Variants in TMTC1 observed in about 807,000 individuals in gnomAD.
TMTC1 encodes the protein transmembrane O-mannosyltransferase targeting cadherins 1.
Under a neutral mutation model 104.8 loss-of-function variants are expected in TMTC1, and 73 were observed. The observed-to-expected ratio is 0.70, with a 90% CI of 0.58 to 0.85. The LOEUF (loss-of-function observed/expected upper bound fraction) is 0.85, where lower values mean the gene tolerates loss of function less well. Ranked by LOEUF, TMTC1 falls within the 40% of genes least tolerant of loss-of-function variation. The pLI is 0.00. For synonymous variants in TMTC1, 434 were observed against 428.7 expected (o/e 1.01, Z -0.15); for missense variants, 1,035 against 1,096.1 (o/e 0.94, Z 0.79).
In TMTC1 at chr12:29,502,508, A is replaced by C. The variant is rs981191301; in HGVS notation, c.*4338T>G. On this transcript the variant is annotated 3_prime_UTR_variant, in exon 18 of 18. Coordinates refer to ENST00000539277, the MANE Select transcript of TMTC1 (RefSeq NM_001193451.2). The stretch of plus-strand genomic sequence containing the variant: ...TATATACTGGCACTTAGTCTGGTAC[A>C]TGCAAATTTCAAGGCAATTCCTCTC... 1 of 152,166 alleles carries C rather than the reference A, an allele frequency of 6.6e-6. No individual in the cohort carries two copies. The highest frequency in any genetic ancestry group is 1.5e-5 in the Non-Finnish European group (1 of 68,026). The allele number at this position is 152,166 out of a possible 1,614,324, so 9.4% of individuals were successfully genotyped here. A position where few individuals can be genotyped will look rare whatever the true frequency, so the allele number is the denominator to read the frequency against.
intron 6 of TMTC1, among the ~76,000 whole-genome samples, chr12:29,616,318 C>A (rs186102271): frequency 6.6e-6 from 1 of 152,140 alleles, no homozygotes; most frequent in African/African-American, 2.4e-5. Context: ...AAAATCAACG[C>A]GCTCTCTGGC....
chr12:29,623,807 C>T (rs7976499), intron 6 of TMTC1, among the ~76,000 whole-genome samples: 71,449 of 151,030 alleles, frequency 0.47, 18,831 homozygotes, highest in African/African-American at 0.72. Flanking sequence ...AGCAAGACTC[C>T]GGCTCAAAAA....
rs964329284 is a variant in TMTC1, at chr12:29,501,416, G to T, written c.*5430C>A. On this transcript the variant is annotated 3_prime_UTR_variant, in exon 18 of 18. Coordinates refer to ENST00000539277, the MANE Select transcript of TMTC1 (RefSeq NM_001193451.2). Reference sequence around the variant, plus strand: ...TTGAGCTTAATGGAAACATCAAACCGACGAGTCCTTTCATGGGTGGTAAAC... The same window carrying T: ...TTGAGCTTAATGGAAACATCAAACCTACGAGTCCTTTCATGGGTGGTAAAC... 5 of 152,082 alleles carry T rather than the reference G, an allele frequency of 3.3e-5. No individual in the cohort carries two copies. Among genetic ancestry groups the T allele is most frequent in the Non-Finnish European group, 7.4e-5 (5 of 68,018 alleles). The allele number at this position is 152,082 out of a possible 1,614,324, so 9.4% of individuals were successfully genotyped here. A position where few individuals can be genotyped will look rare whatever the true frequency, so the allele number is the denominator to read the frequency against.
chr12:29,767,410 G>A (rs189238160), intron 2 of TMTC1, among the ~76,000 whole-genome samples: 66 of 152,234 alleles, frequency 4.3e-4, no homozygotes, highest in African/African-American at 8.4e-4. Flanking sequence ...ACAGTTCTGC[G>A]TAATAAACAT....
At chr12:29,661,570 T>TGCCACCATGCCCAGC (rs1940029346) in intron 5 of TMTC1, among the ~76,000 whole-genome samples, 7 of 52,032 alleles carry the variant, frequency 1.3e-4, no homozygotes, top group African/African-American at 4.3e-4. Context: ...TACAGGTACT[T>TGCCACCATGCCCAGC]TTTGTATTTT....
chr12:29,578,255 G>C (rs929918431), intron 8 of TMTC1, among the ~76,000 whole-genome samples: 27 of 151,974 alleles, frequency 1.8e-4, no homozygotes, highest in African/African-American at 5.8e-4. Flanking sequence ...TCCCATCGTT[G>C]GTTTTGACCT....
At chr12:29,581,603 TGAGTACTAA>T (rs1565685844) in intron 8 of TMTC1, among the ~76,000 whole-genome samples, 5 of 152,156 alleles carry the variant, frequency 3.3e-5, no homozygotes. Flanking sequence ...GTAAAGGGTT[TGAGTACTAA>T]GTCTGCCAAA....
chr12:29,748,654 A>G (rs1943015105), intron 5 of TMTC1, among the ~76,000 whole-genome samples: 1 of 152,200 alleles, frequency 6.6e-6, no homozygotes, highest in African/African-American at 2.4e-5. Flanking sequence ...GTTGGATAGA[A>G]TAACACATGG....
chr12:29,770,825 C>T (rs899533174), intron 1 of TMTC1, among the ~76,000 whole-genome samples: 3 of 152,074 alleles, frequency 2.0e-5, no homozygotes, highest in Admixed American at 6.6e-5. Context: ...GCGTATTCTA[C>T]GTGTGATCAC....
intron 7 of TMTC1, 31 bp downstream of exon 7, chr12:29,604,147 C>A: frequency 6.2e-7 from 1 of 1,611,270 alleles, no homozygotes; most frequent in South Asian, 1.1e-5. Flanking sequence ...GAGGGCAGGT[C>A]TTGTAGGAGG....
intron 1 of TMTC1, among the ~76,000 whole-genome samples, chr12:29,769,822 G>A (rs142920606): frequency 2.6e-5 from 4 of 152,050 alleles, no homozygotes; most frequent in Non-Finnish European, 4.4e-5. Context: ...TGCATTGGAG[G>A]CTTTAAAAGG....
At position 29,677,203 on chromosome 12, in the gene TMTC1, A is replaced by C. The variant is rs151075816; in HGVS notation, c.939-43867T>G. Reference sequence around the variant, plus strand: ...TGTAATGGGTTTCAGGATCAAGGTTATTACAAATAAAAATAAAATCAGATT... The same window carrying C: ...TGTAATGGGTTTCAGGATCAAGGTTCTTACAAATAAAAATAAAATCAGATT... On this transcript the variant is annotated intron_variant, in intron 5 of 17. Coordinates refer to ENST00000539277, the MANE Select transcript of TMTC1 (RefSeq NM_001193451.2). 7.6e-4 allele frequency among the ~76,000 whole-genome samples: 115 copies of C among 152,316 alleles called. No individual in the cohort carries two copies. The East Asian group carries it at 0.018, about 24-fold the overall frequency.
chr12:29,693,268 G>A (rs1319255276), intron 5 of TMTC1, among the ~76,000 whole-genome samples: 1 of 144,476 alleles, frequency 6.9e-6, no homozygotes, highest in Non-Finnish European at 1.5e-5. Context: ...ACATATTTAT[G>A]AGGTACAGAG....
intron 2 of TMTC1, among the ~76,000 whole-genome samples, chr12:29,761,303 G>A (rs1351839465): frequency 6.6e-6 from 1 of 151,598 alleles, no homozygotes; most frequent in Non-Finnish European, 1.5e-5. Flanking sequence ...GTATAAAGGA[G>A]TATGAATTGT....
chr12:29,621,791 G>A (rs1281527241), intron 6 of TMTC1, among the ~76,000 whole-genome samples: 3 of 152,180 alleles, frequency 2.0e-5, no homozygotes, highest in Admixed American at 6.5e-5. Context: ...AATCCAAAGT[G>A]AGGATGAGAA....
At chr12:29,643,527 AAATATAT>A (rs1565732830) in intron 5 of TMTC1, among the ~76,000 whole-genome samples, 2 of 53,078 alleles carry the variant, frequency 3.8e-5, no homozygotes, top group African/African-American at 7.7e-5. Flanking sequence ...ATATAATATA[AAATATAT>A]AATATATATC....
intron 5 of TMTC1, among the ~76,000 whole-genome samples, chr12:29,684,084 TCCG>T (rs1941013667): frequency 6.6e-6 from 1 of 152,158 alleles, no homozygotes; most frequent in Non-Finnish European, 1.5e-5. Flanking sequence ...GTTCAAGCAA[TCCG>T]CCTGCCTTGG....
chr12:29,767,645 T>C (rs1035427522), intron 2 of TMTC1, among the ~76,000 whole-genome samples: 2 of 152,178 alleles, frequency 1.3e-5, no homozygotes, highest in Admixed American at 1.3e-4. Context: ...AGAAAACCAA[T>C]TTGAACATTC....
At chr12:29,513,888 C>G (rs1046499532) in intron 16 of TMTC1, among the ~76,000 whole-genome samples, 2 of 151,672 alleles carry the variant, frequency 1.3e-5, no homozygotes, top group Non-Finnish European at 2.9e-5. Context: ...CACACAGAGA[C>G]ACACACACAC....
Sources: allele counts gnomAD v4.1 joint callset (sites outside exome capture counted in the v4.1 genomes callset), GRCh38; gene constraint gnomAD v4.1.1; transcripts MANE v1.5; gene names NCBI Gene and HGNC (gene_info 2026-07-23, HGNC 2026-07-21).